CAPN8: variants seen among roughly 807,000 people sequenced by gnomAD.
The protein encoded by CAPN8 is calpain 8.
CAPN8 carries 87 observed loss-of-function variants against 80.9 expected under a neutral mutation model. The observed-to-expected ratio is 1.07, with a 90% CI of 0.90 to 1.28. CAPN8 has a LOEUF of 1.28. CAPN8 is among the 50% of genes most tolerant of loss of function. The pLI is 0.00. For synonymous variants in CAPN8, 299 were observed against 273.8 expected (o/e 1.09, Z -0.91); for missense variants, 757 against 702.0 (o/e 1.08, Z -0.89).
chr1:223,619,702 G>A (rs1657324498), intron 8 of CAPN8, among the ~76,000 whole-genome samples: 1 of 152,206 alleles, frequency 6.6e-6, no homozygotes, highest in Non-Finnish European at 1.5e-5. Context: ...GATCTGAACT[G>A]TAAACTGCAA....
At chr1:223,620,291 C>T (rs771238534) in intron 7 of CAPN8, 25 bp from the exon 8 acceptor site, 1 of 1,547,134 alleles carries the variant, frequency 6.5e-7, no homozygotes, top group Non-Finnish European at 8.7e-7. Context: ...AGCAGAGATG[C>T]TCGCTCCTGA....
At chr1:223,547,293 G>T (rs1469720007) in intron 16 of CAPN8, among the ~76,000 whole-genome samples, 2 of 152,124 alleles carry the variant, frequency 1.3e-5, no homozygotes, top group Admixed American at 1.3e-4. Flanking sequence ...CACCCCATGG[G>T]TGATAAAGTA....
At chr1:223,654,842 A>ATTTT (rs35365292) in intron 1 of CAPN8, among the ~76,000 whole-genome samples, 90 of 111,706 alleles carry the variant, frequency 8.1e-4, no homozygotes, top group African/African-American at 2.4e-3. Context: ...CACCCGGCTA[A>ATTTT]TTTTTTTTTT....
intron 6 of CAPN8, among the ~76,000 whole-genome samples, chr1:223,624,922 G>A (rs141311480): frequency 5.5e-4 from 83 of 151,578 alleles, no homozygotes; most frequent in African/African-American, 1.8e-3. Flanking sequence ...GTGAAACCCC[G>A]TCTCTACTAA....
At chr1:223,616,170 G>T (rs945385805) in intron 9 of CAPN8, 25 bp from the exon 10 acceptor site, 43 of 1,537,890 alleles carry the variant, frequency 2.8e-5, no homozygotes, top group Non-Finnish European at 3.3e-5. Flanking sequence ...GGTGATGGTG[G>T]TTCCCCACGT....
intron 2 of CAPN8, among the ~76,000 whole-genome samples, chr1:223,637,090 C>A (rs564286121): frequency 2.6e-5 from 4 of 152,336 alleles, no homozygotes; most frequent in South Asian, 2.1e-4. Flanking sequence ...TCGCGTATAT[C>A]ATGGTTAGAC....
Position 223,558,135 on chromosome 1 carries a change from T to C in CAPN8, c.1568A>G (p.Tyr523Cys). Residue 523 changes from tyrosine (Y) to cysteine (C), a missense_variant, in exon 13 of 21, where the codon TAT becomes TGT. Tyr to Cys is a radical substitution (Grantham distance 194). Coordinates refer to ENST00000366872, the MANE Select transcript of CAPN8 (RefSeq NM_001143962.2). ...GCATACAAAAAGATTGCATACCTCATATGGGTTTCCAGCTACCACATCCCC... is the reference window on the plus strand; with the variant it reads ...GCATACAAAAAGATTGCATACCTCACATGGGTTTCCAGCTACCACATCCCC... Reference protein sequence around the residue: ...EIGDVVAGNPYEPHPSEVDQE... With the variant: ...EIGDVVAGNPCEPHPSEVDQE... 2.5e-6 allele frequency: 1 copy of C among 398,612 alleles called. No individual in the cohort carries two copies. The highest frequency in any genetic ancestry group is 4.4e-6 in the Non-Finnish European group (1 of 226,054). The allele number at this position is 398,612 out of a possible 1,614,324, so 24.7% of individuals were successfully genotyped here. A position where few individuals can be genotyped will look rare whatever the true frequency, so the allele number is the denominator to read the frequency against.
At chr1:223,634,537 G>C (rs116292094) in intron 2 of CAPN8, among the ~76,000 whole-genome samples, 588 of 152,260 alleles carry the variant, frequency 3.9e-3, no homozygotes, top group Non-Finnish European at 4.9e-3. Context: ...TAGTCCATTC[G>C]TGCTGCTATA....
chr1:223,653,887 G>A (rs1223758487), intron 2 of CAPN8, among the ~76,000 whole-genome samples: 1 of 152,130 alleles, frequency 6.6e-6, no homozygotes, highest in Admixed American at 6.5e-5. Context: ...ATGAAAGAAT[G>A]TCTGGCTACA....
chr1:223,644,335 G>GCT (rs1354623114), intron 2 of CAPN8: 1 of 194,256 alleles, frequency 5.1e-6, no homozygotes, highest in Non-Finnish European at 1.1e-5. Context: ...AGGTTGATGG[G>GCT]CTCCATCATA....
Position 223,622,810 on chromosome 1 carries a change from C to A in CAPN8, c.899+5G>T. 2 of 1,551,222 alleles carry A rather than the reference C, an allele frequency of 1.3e-6. No individual in the cohort carries two copies. Among genetic ancestry groups the A allele is most frequent in the Non-Finnish European group, 1.7e-6 (2 of 1,146,558 alleles). ...TGACTGGAGAAGCGGGGGAAAAAAA[C>A]CTACTCATCGCTCCAGGCTCCCGAC... On this transcript the variant is annotated splice_donor_5th_base_variant and intron_variant, in intron 7 of 20. Transcript: ENST00000366872.
At chr1:223,642,720 A>G (rs994371853) in intron 2 of CAPN8, 97 of 432,514 alleles carry the variant, frequency 2.2e-4, no homozygotes, top group South Asian at 1.6e-3. Flanking sequence ...GGAAAAAGAA[A>G]AAGAAAAAAA....
intron 7 of CAPN8, among the ~76,000 whole-genome samples, chr1:223,621,613 G>A (rs987458781): frequency 6.6e-6 from 1 of 152,114 alleles, no homozygotes; most frequent in African/African-American, 2.4e-5. Flanking sequence ...CCTTCCTACA[G>A]GAGGCTCATG....
In CAPN8 at chr1:223,619,429, C is replaced by T. The variant is rs1399966549; in HGVS notation, c.999G>A (p.Arg333=). 1 of 1,551,502 alleles carries T rather than the reference C, an allele frequency of 6.4e-7. No homozygotes were observed. The highest frequency in any genetic ancestry group is 8.7e-7 in the Non-Finnish European group (1 of 1,147,006). ...EFWMSLSDFV[R]QFSRLEICNL... ...TGCAGATCTCCAACCGAGAGAACTG[C>T]CTCACGAAATCTGAAAGTGACATCC... is the stretch of plus-strand genomic sequence containing the variant. Residue 333 remains arginine, a synonymous_variant, in exon 9 of 21, where the codon AGG becomes AGA. Coordinates refer to ENST00000366872, the MANE Select transcript of CAPN8 (RefSeq NM_001143962.2).
At chr1:223,625,217 C>CT (rs1657532038) in intron 6 of CAPN8, among the ~76,000 whole-genome samples, 1 of 152,212 alleles carries the variant, frequency 6.6e-6, no homozygotes, top group Admixed American at 6.5e-5. Context: ...AAAGCTGGGA[C>CT]TACTGCCCCT....
At chr1:223,623,100 ATTTG>A (rs1657451938) in intron 6 of CAPN8, among the ~76,000 whole-genome samples, 200 bp from the exon 7 acceptor site, 2 of 152,332 alleles carry the variant, frequency 1.3e-5, no homozygotes, top group Admixed American at 6.5e-5. Context: ...ATTTTTCATA[ATTTG>A]TTTGAATAAA....
chr1:223,644,118 G>T, intron 2 of CAPN8: 1 of 315,580 alleles, frequency 3.2e-6, no homozygotes, highest in South Asian at 3.2e-5. Flanking sequence ...TCTAGTTGGA[G>T]ACACTATGTA....
chr1:223,620,474 G>A (rs1657353083), intron 7 of CAPN8, among the ~76,000 whole-genome samples: 1 of 152,198 alleles, frequency 6.6e-6, no homozygotes, highest in African/African-American at 2.4e-5. Context: ...ATGGGCACTA[G>A]CACGATGGCC....
chr1:223,624,985 C>T (rs961555873), intron 6 of CAPN8, among the ~76,000 whole-genome samples: 9 of 151,930 alleles, frequency 5.9e-5, no homozygotes, highest in Non-Finnish European at 1.3e-4. Context: ...CCCAGCTACT[C>T]AGGAGGCTGA....
Sources: gnomAD v4.1 joint callset for allele counts (sites outside exome capture counted in the v4.1 genomes callset) on GRCh38, gnomAD v4.1.1 for gene constraint, MANE v1.5 for transcripts, NCBI Gene and HGNC (gene_info 2026-07-23, HGNC 2026-07-21) for gene names.